The following IL12RB2 variants were observed in gnomAD, a reference collection of about 807,000 sequenced individuals.
The protein encoded by IL12RB2 is interleukin-12 receptor subunit beta-2.
In IL12RB2, 82 loss-of-function variants were observed where a neutral mutation model predicts 89.4. The observed-to-expected ratio is 0.92, with a 90% CI of 0.77 to 1.10. IL12RB2 has a LOEUF of 1.10. Ranked by LOEUF, IL12RB2 falls within the 50% of genes least tolerant of loss-of-function variation. The pLI is 0.00. For synonymous variants in IL12RB2, 368 were observed against 370.1 expected (o/e 0.99, Z 0.07); for missense variants, 963 against 1,031.9 (o/e 0.93, Z 0.92).
At chr1:67,395,257 G>T (rs1006475375) in intron 16 of IL12RB2, among the ~76,000 whole-genome samples, 2 of 150,908 alleles carry the variant, frequency 1.3e-5, no homozygotes, top group Non-Finnish European at 2.9e-5. Flanking sequence ...GACAGAAGGC[G>T]ACTTCGTCTC....
intron 16 of IL12RB2, among the ~76,000 whole-genome samples, chr1:67,391,056 G>A (rs942928208): frequency 3.9e-5 from 6 of 152,078 alleles, no homozygotes; most frequent in African/African-American, 1.4e-4. Flanking sequence ...AGTCTCTATA[G>A]TTTAGTGCCT....
intron 10 of IL12RB2, among the ~76,000 whole-genome samples, chr1:67,364,342 G>C (rs1662444672): frequency 1.3e-5 from 2 of 152,184 alleles, no homozygotes; most frequent in African/African-American, 2.4e-5. Context: ...AGTAAGCCAA[G>C]ATTGCACCAC....
intron 9 of IL12RB2, among the ~76,000 whole-genome samples, chr1:67,348,634 A>C (rs1557432284): frequency 6.6e-6 from 1 of 151,918 alleles, no homozygotes; most frequent in Non-Finnish European, 1.5e-5. Flanking sequence ...TGGACTACAT[A>C]CACCATTTGC....
chr1:67,358,760 A>T (rs1253045915), intron 10 of IL12RB2, among the ~76,000 whole-genome samples: 3 of 152,172 alleles, frequency 2.0e-5, no homozygotes, highest in African/African-American at 7.2e-5. Context: ...TTTCAAACCT[A>T]GCTGAAATAA....
chr1:67,323,435 A>G (rs1656849940), intron 4 of IL12RB2, among the ~76,000 whole-genome samples: 1 of 152,220 alleles, frequency 6.6e-6, no homozygotes, highest in African/African-American at 2.4e-5. Context: ...CATCTGTATT[A>G]CGAAGATAAT....
chr1:67,309,954 C>G (rs1017713643), intron 1 of IL12RB2, among the ~76,000 whole-genome samples: 1 of 152,024 alleles, frequency 6.6e-6, no homozygotes, highest in Non-Finnish European at 1.5e-5. Context: ...GTGGGGGGAT[C>G]ACCTGAGGTC....
intron 13 of IL12RB2, among the ~76,000 whole-genome samples, chr1:67,379,378 C>T (rs1381754702): frequency 1.3e-5 from 2 of 150,824 alleles, no homozygotes; most frequent in Admixed American, 6.6e-5. Flanking sequence ...GGCATGGTGG[C>T]ACATACCTGT....
chr1:67,330,249 G>A (rs1335457234), intron 7 of IL12RB2, among the ~76,000 whole-genome samples: 1 of 148,576 alleles, frequency 6.7e-6, no homozygotes, highest in African/African-American at 2.5e-5. Flanking sequence ...ATTCAAGAGA[G>A]TATAACTAAT....
intron 10 of IL12RB2, among the ~76,000 whole-genome samples, chr1:67,366,452 C>CA (rs11329710): frequency 0.013 from 672 of 53,192 alleles, 10 homozygotes; most frequent in African/African-American, 0.025. Flanking sequence ...GACTCCATCT[C>CA]AAAAAAAAAA....
chr1:67,376,119 T>C (rs1280140040), intron 13 of IL12RB2, among the ~76,000 whole-genome samples: 2 of 152,128 alleles, frequency 1.3e-5, no homozygotes, highest in Non-Finnish European at 1.5e-5. Flanking sequence ...GTGCTGGGAT[T>C]ACAGACGTGA....
chr1:67,328,929 G>A (rs772451485), intron 6 of IL12RB2, among the ~76,000 whole-genome samples: 2 of 152,192 alleles, frequency 1.3e-5, no homozygotes, highest in African/African-American at 2.4e-5. Flanking sequence ...TTGAATCAGA[G>A]GCCAATCTCA....
At chr1:67,345,404 T>G (rs1006196821) in intron 9 of IL12RB2, among the ~76,000 whole-genome samples, 18 of 152,176 alleles carry the variant, frequency 1.2e-4, no homozygotes, top group African/African-American at 4.1e-4. Flanking sequence ...TCTCCTTGTA[T>G]CTCTCTCTCA....
chr1:67,355,287 G>A (rs370115474), intron 10 of IL12RB2, among the ~76,000 whole-genome samples: 12 of 151,952 alleles, frequency 7.9e-5, no homozygotes, highest in African/African-American at 2.4e-4. Context: ...GGTAGTGTGC[G>A]CCTGTAGTCC....
chr1:67,381,448 T>A (rs1664562986), intron 14 of IL12RB2, among the ~76,000 whole-genome samples: 1 of 152,156 alleles, frequency 6.6e-6, no homozygotes, highest in South Asian at 2.1e-4. Context: ...GACTTCTTCT[T>A]ATCTCCCCAG....
At chr1:67,381,765 CAAAAAA>C (rs61066016) in intron 14 of IL12RB2, among the ~76,000 whole-genome samples, 40 of 123,670 alleles carry the variant, frequency 3.2e-4, no homozygotes, top group East Asian at 1.2e-3. Flanking sequence ...GACTATGTTT[CAAAAAA>C]AAAAAAAAAA....
intron 9 of IL12RB2, among the ~76,000 whole-genome samples, chr1:67,341,827 C>T (rs1327487194): frequency 1.3e-5 from 2 of 152,216 alleles, no homozygotes; most frequent in Non-Finnish European, 2.9e-5. Context: ...GGAATGGAAA[C>T]ACTGACCAGA....
chr1:67,385,933 G>C (rs915478424), intron 14 of IL12RB2, among the ~76,000 whole-genome samples: 1 of 152,078 alleles, frequency 6.6e-6, no homozygotes, highest in South Asian at 2.1e-4. Flanking sequence ...AGTCCAGGCC[G>C]GGCACGGTGG....
intron 8 of IL12RB2, among the ~76,000 whole-genome samples, chr1:67,334,620 A>G (rs1658522337): frequency 9.1e-6 from 1 of 109,920 alleles, no homozygotes; most frequent in South Asian, 3.5e-4. Context: ...CTGGGACTAC[A>G]GGCACCCCGC....
chr1:67,308,194 A>G (rs1654535927), intron 1 of IL12RB2, among the ~76,000 whole-genome samples: 5 of 151,836 alleles, frequency 3.3e-5, no homozygotes, highest in Admixed American at 2.6e-4. Flanking sequence ...ACAGATGTTC[A>G]CTTGGAGGTA....
Sources: allele counts gnomAD v4.1 joint callset (sites outside exome capture counted in the v4.1 genomes callset), GRCh38; gene constraint gnomAD v4.1.1; transcripts MANE v1.5; gene names NCBI Gene and HGNC (gene_info 2026-07-23, HGNC 2026-07-21).